The following ENPP3 variants were observed in gnomAD, a reference collection of about 807,000 sequenced individuals.
ENPP3 encodes ectonucleotide pyrophosphatase/phosphodiesterase family member 3.
ENPP3 carries 104 observed loss-of-function variants against 117.8 expected under a neutral mutation model. That is an observed-to-expected ratio of 0.88 (90% CI 0.75 to 1.04). ENPP3 has a LOEUF of 1.04. Ranked by LOEUF, ENPP3 falls within the 50% of genes least tolerant of loss-of-function variation. ENPP3 has a pLI of 0.00. For missense variants in ENPP3, 1,026 were observed against 1,051.9 expected, an observed-to-expected ratio of 0.98 and a Z score of 0.34; for synonymous variants, 380 against 349.9, an observed-to-expected ratio of 1.09 and a Z score of -0.96.
At chr6:131,666,197 G>C (rs748999371) in intron 6 of ENPP3, among the ~76,000 whole-genome samples, 5 of 151,710 alleles carry the variant, frequency 3.3e-5, no homozygotes, top group African/African-American at 1.2e-4. Flanking sequence ...GTTCTGTAAG[G>C]GTTCTGCTTT....
intron 6 of ENPP3, among the ~76,000 whole-genome samples, chr6:131,665,798 G>T (rs908352649): frequency 1.3e-5 from 2 of 151,682 alleles, no homozygotes; most frequent in African/African-American, 4.8e-5. Flanking sequence ...GTTCCTTAAG[G>T]TGCAAAATTA....
chr6:131,674,110 T>G, intron 7 of ENPP3, 52 bp from the exon 8 acceptor site: 1 of 1,144,316 alleles, frequency 8.7e-7, no homozygotes, highest in Non-Finnish European at 1.3e-6. Flanking sequence ...TAATTTAAAT[T>G]TCTATTTTAC....
chr6:131,678,210 C>T (rs1778913315), intron 11 of ENPP3, among the ~76,000 whole-genome samples: 1 of 152,192 alleles, frequency 6.6e-6, no homozygotes, highest in Non-Finnish European at 1.5e-5. Context: ...AGATGTGGCA[C>T]TGTTGTTGCA....
chr6:131,639,487 C>A (rs1777999489), intron 1 of ENPP3, among the ~76,000 whole-genome samples: 1 of 151,902 alleles, frequency 6.6e-6, no homozygotes, highest in Non-Finnish European at 1.5e-5. Context: ...TCTTCCACAG[C>A]AAAATTTGTG....
At chr6:131,740,086 T>A in intron 23 of ENPP3, 138 bp from the exon 24 acceptor site, 1 of 629,000 alleles carries the variant, frequency 1.6e-6, no homozygotes. Flanking sequence ...ACCTAGCATA[T>A]AGTAAAATGC....
chr6:131,744,465 A>G (rs1187887251), intron 24 of ENPP3, among the ~76,000 whole-genome samples: 1 of 152,198 alleles, frequency 6.6e-6, no homozygotes, highest in East Asian at 1.9e-4. Context: ...TCCCAAATCA[A>G]ATTGAGGAAA....
At chr6:131,678,895 T>TTCTTTCTC (rs1778930516) in intron 11 of ENPP3, among the ~76,000 whole-genome samples, 1 of 141,528 alleles carries the variant, frequency 7.1e-6, no homozygotes, top group Non-Finnish European at 1.6e-5. Context: ...TCTTTTCCCT[T>TTCTTTCTC]TCTTTCTTTC....
At chr6:131,687,553 T>C (rs1342789403) in intron 14 of ENPP3, among the ~76,000 whole-genome samples, 1 of 151,954 alleles carries the variant, frequency 6.6e-6, no homozygotes. Flanking sequence ...AAAGAAACTA[T>C]CAACAGAGCA....
At chr6:131,701,884 G>GAAAAAAAAAAAAA (rs1170025527) in intron 15 of ENPP3, among the ~76,000 whole-genome samples, 2 of 96,952 alleles carry the variant, frequency 2.1e-5, no homozygotes, top group Non-Finnish European at 4.1e-5. Flanking sequence ...TCTGTCTCCA[G>GAAAAAAAAAAAAA]AAAAAAAAAA....
chr6:131,638,196 C>T (rs993856412), intron 1 of ENPP3, among the ~76,000 whole-genome samples: 8 of 152,232 alleles, frequency 5.3e-5, no homozygotes, highest in African/African-American at 1.9e-4. Context: ...CCTCGTCCTT[C>T]ATCCACTTGA....
chr6:131,703,839 A>G (rs1277597547), intron 15 of ENPP3, among the ~76,000 whole-genome samples: 1 of 150,736 alleles, frequency 6.6e-6, no homozygotes, highest in Non-Finnish European at 1.5e-5. Context: ...TCCAATTATC[A>G]TGAGAGCTTT....
chr6:131,674,925 G>A (rs532968726), intron 8 of ENPP3, among the ~76,000 whole-genome samples, 155 bp from the exon 9 acceptor site: 53 of 152,164 alleles, frequency 3.5e-4, no homozygotes, highest in African/African-American at 1.3e-3. Flanking sequence ...TTTTGAGGCA[G>A]ATTCTTAGAT....
chr6:131,738,744 TAG>T (rs747754680), intron 23 of ENPP3, among the ~76,000 whole-genome samples: 1 of 152,184 alleles, frequency 6.6e-6, no homozygotes, highest in Non-Finnish European at 1.5e-5. Flanking sequence ...AATAGAGTTT[TAG>T]AGAAGTTTCA....
intron 18 of ENPP3, among the ~76,000 whole-genome samples, chr6:131,723,802 T>TTCTCTCTC (rs4053085): frequency 1.4e-3 from 198 of 137,110 alleles, no homozygotes; most frequent in Admixed American, 1.9e-3. Context: ...TTTTTGCAAA[T>TTCTCTCTC]TCTCTCTCTC....
chr6:131,739,421 G>A (rs1309859024), intron 23 of ENPP3, among the ~76,000 whole-genome samples: 5 of 152,094 alleles, frequency 3.3e-5, no homozygotes, highest in Non-Finnish European at 7.4e-5. Context: ...TCGAAACTCG[G>A]TAAATGACAG....
chr6:131,656,666 T>C lies in ENPP3; in HGVS notation c.465-1657T>C, dbSNP rs187334326. ...CCTGTAGTCCCAGCTACTCGGGAGGTTGACGCAGGAGAATGGTGTGAACCT... is the reference window on the plus strand; with the variant it reads ...CCTGTAGTCCCAGCTACTCGGGAGGCTGACGCAGGAGAATGGTGTGAACCT... On this transcript the variant is annotated intron_variant, in intron 5 of 24. Transcript: ENST00000357639. Among the ~76,000 whole-genome samples the C allele has an allele frequency of 4.7e-4, 71 of 151,444 alleles. 1 individual carries two copies. The highest frequency in any genetic ancestry group is 4.5e-3 in the Admixed American group (68 of 15,192).
chr6:131,737,891 AT>A, intron 22 of ENPP3, 139 bp from the exon 23 acceptor site: 1 of 589,462 alleles, frequency 1.7e-6, no homozygotes. Flanking sequence ...TGTGAAGCCT[AT>A]TCTGGAGAAT....
intron 1 of ENPP3, chr6:131,638,594 T>A (rs1777976186): frequency 2.7e-6 from 1 of 374,374 alleles, no homozygotes; most frequent in African/African-American, 2.2e-5. Flanking sequence ...TTTTTCTTTC[T>A]TTTCTTTTTT....
Position 131,674,199 on chromosome 6 carries a change from A to G in ENPP3, c.680A>G (p.Asn227Ser), listed in dbSNP as rs1186070587. Reference protein sequence around the residue: ...YPESHGIIDNNMYDVNLNKNF... With the variant: ...YPESHGIIDNSMYDVNLNKNF... Reference sequence around the variant, plus strand: ...GAGTCACATGGCATCATTGACAATAATATGTATGATGTAAATCTCAACAAG... The same window carrying G: ...GAGTCACATGGCATCATTGACAATAGTATGTATGATGTAAATCTCAACAAG... Residue 227 changes from asparagine (N) to serine (S), a missense_variant, in exon 8 of 25, where the codon AAT becomes AGT. Transcript: ENST00000357639. 1 of 1,576,362 alleles carries G rather than the reference A, an allele frequency of 6.3e-7. No individual in the cohort carries two copies. Among genetic ancestry groups the G allele is most frequent in the East Asian group, 2.2e-5 (1 of 44,628 alleles).
Sources: allele counts gnomAD v4.1 joint callset (sites outside exome capture counted in the v4.1 genomes callset), GRCh38; gene constraint gnomAD v4.1.1; transcripts MANE v1.5; gene names NCBI Gene and HGNC (gene_info 2026-07-23, HGNC 2026-07-21).